RABEPK: variants seen among roughly 807,000 people sequenced by gnomAD.
RABEPK encodes the protein 40 kDa Rab9 effector protein.
A neutral mutation model predicts 34.1 loss-of-function variants in RABEPK; 27 were observed. The observed-to-expected ratio is 0.79, with a 90% confidence interval of 0.58 to 1.09. The LOEUF is 1.09. Among genes scored for constraint, RABEPK ranks in the 50% least tolerant of loss-of-function variants. The pLI is 0.00. For missense variants in RABEPK, 449 were observed against 462.6 expected, an observed-to-expected ratio of 0.97 and a Z score of 0.27; for synonymous variants, 172 against 169.2, an observed-to-expected ratio of 1.02 and a Z score of -0.13.
chr9:125,233,294 T>C (rs1012767564), intron 7 of RABEPK, among the ~76,000 whole-genome samples: 1 of 151,676 alleles, frequency 6.6e-6, no homozygotes, highest in Non-Finnish European at 1.5e-5. Flanking sequence ...CTTTTTAAAT[T>C]TTATTCAGAT....
intron 4 of RABEPK, among the ~76,000 whole-genome samples, chr9:125,216,983 GAAGA>G (rs1830973117): frequency 6.7e-6 from 1 of 149,668 alleles, no homozygotes. Context: ...AAAAAAAAAA[GAAGA>G]AAGTGATAGA....
Position 125,233,694 on chromosome 9 carries a change from A to C in RABEPK, c.833A>C (p.Gln278Pro). Residue 278 changes from glutamine (Q) to proline (P), a missense_variant, in exon 8 of 8, where the codon CAG becomes CCG. By Grantham distance (76) the Gln-to-Pro change is moderately conservative. Coordinates refer to ENST00000373538, the MANE Select transcript of RABEPK (RefSeq NM_005833.4). ...DTMYQYHTEE[Q>P]HWTLLKFDTL... ...TTTTCCCTCCCCAACATAGAAGAGC[A>C]GCATTGGACCTTGCTTAAATTTGAT... 1 of 1,611,562 alleles carries C rather than the reference A, an allele frequency of 6.2e-7. No individual in the cohort carries two copies. Among genetic ancestry groups the C allele is most frequent in the Non-Finnish European group, 8.5e-7 (1 of 1,178,056 alleles).
intron 2 of RABEPK, among the ~76,000 whole-genome samples, chr9:125,206,236 G>A (rs559108716): frequency 2.6e-5 from 4 of 152,194 alleles, no homozygotes; most frequent in Admixed American, 6.6e-5. Context: ...TGGGCTGGGC[G>A]TGGTGGGCGC....
At position 125,207,535 on chromosome 9, in the gene RABEPK, G is replaced by C. The variant is rs760100359; in HGVS notation, c.54-29G>C. The C allele has an allele frequency of 3.1e-6, 5 of 1,606,180 alleles. No individual in the cohort carries two copies. The African/African-American group carries it at 6.7e-5, about 21-fold the overall frequency. ...ACTACTGCATTTATTCTCTGCTCAG[G>C]CCTCCTGAATACATCCTTCCTTTGG... On this transcript the variant is annotated intron_variant, in intron 2 of 7. Transcript: ENST00000373538.
At chr9:125,201,087 A>G (rs904145049) in intron 1 of RABEPK, among the ~76,000 whole-genome samples, 181 bp downstream of exon 1, 1 of 152,232 alleles carries the variant, frequency 6.6e-6, no homozygotes, top group Non-Finnish European at 1.5e-5. Context: ...CCTTAAATAG[A>G]TAAACATTCC....
intron 3 of RABEPK, 69 bp downstream of exon 3, chr9:125,207,790 G>A: frequency 6.4e-7 from 1 of 1,563,762 alleles, no homozygotes; most frequent in Non-Finnish European, 8.7e-7. Flanking sequence ...CTAGCCATGA[G>A]CAGGGCATTC....
At chr9:125,215,262 G>A (rs1588362306) in intron 4 of RABEPK, among the ~76,000 whole-genome samples, 1 of 142,320 alleles carries the variant, frequency 7.0e-6, no homozygotes, top group Admixed American at 7.2e-5. Flanking sequence ...ACAATGCTTT[G>A]TTAATATAAT....
Position 125,213,423 on chromosome 9 carries a change from C to T in RABEPK, c.265C>T (p.His89Tyr). ...TCKGLLPRYE[H>Y]ASFIPSCTPD... ...CAAGGGCCTCTTGCCCCGGTATGAA[C>T]ATGCTAGCTTCATTCCCTCCTGCAC... Residue 89 changes from histidine to tyrosine, a missense_variant, in exon 4 of 8, where the codon CAT becomes TAT. Physicochemically the swap from His to Tyr is moderately conservative, Grantham distance 83. Transcript: ENST00000373538. 2 of 1,613,930 alleles carry T rather than the reference C, an allele frequency of 1.2e-6. No homozygotes were observed. Among genetic ancestry groups the T allele is most frequent in the Non-Finnish European group, 1.7e-6 (2 of 1,179,884 alleles).
chr9:125,218,805 A>C (rs1485293160), intron 4 of RABEPK, among the ~76,000 whole-genome samples: 1 of 152,044 alleles, frequency 6.6e-6, no homozygotes, highest in Non-Finnish European at 1.5e-5. Context: ...GACTCACTGC[A>C]ACCTCAACCG....
At chr9:125,232,193 C>T (rs1246202656) in intron 6 of RABEPK, among the ~76,000 whole-genome samples, 2 of 151,224 alleles carry the variant, frequency 1.3e-5, no homozygotes, top group Non-Finnish European at 2.9e-5. Flanking sequence ...GCCACCGTGC[C>T]CGGCCCAGGA....
At chr9:125,208,946 G>C (rs1269277478) in intron 3 of RABEPK, among the ~76,000 whole-genome samples, 4 of 151,878 alleles carry the variant, frequency 2.6e-5, no homozygotes. Context: ...CAGCCTCCCT[G>C]CTTCCAAGTT....
chr9:125,229,554 A>G (rs1832030676), intron 6 of RABEPK, among the ~76,000 whole-genome samples: 2 of 152,240 alleles, frequency 1.3e-5, no homozygotes, highest in Admixed American at 1.3e-4. Context: ...AAAAAATCAT[A>G]GCACTAAATA....
Position 125,220,423 on chromosome 9 carries a change from C to T in RABEPK, c.365-116C>T, listed in dbSNP as rs755629590. 2.7e-6 allele frequency: 4 copies of T among 1,493,258 alleles called. No individual in the cohort carries two copies. The East Asian group carries it at 9.4e-5, about 35-fold the overall frequency. 92.5% of individuals were successfully genotyped at this position (1,493,258 alleles called of 1,614,324 possible). ...GTGAGTATGAGATCCCTGCCCAAAACTATGCTGGCCCCCCTGGGGATTGGA... is the reference window on the plus strand; with the variant it reads ...GTGAGTATGAGATCCCTGCCCAAAATTATGCTGGCCCCCCTGGGGATTGGA... On this transcript the variant is annotated intron_variant, in intron 4 of 7. Transcript: ENST00000373538.
chr9:125,222,317 T>TGTGG (rs914204348), intron 5 of RABEPK: 2 of 152,058 alleles, frequency 1.3e-5, no homozygotes, highest in African/African-American at 4.8e-5. Context: ...AACATATGTA[T>TGTGG]GTGTATATGT....
chr9:125,210,721 AAG>A (rs1290847887), intron 3 of RABEPK, among the ~76,000 whole-genome samples: 3 of 151,508 alleles, frequency 2.0e-5, no homozygotes, highest in Non-Finnish European at 2.9e-5. Flanking sequence ...AAAAAAAAAA[AAG>A]AAAATAAAAG....
intron 3 of RABEPK, among the ~76,000 whole-genome samples, chr9:125,211,402 G>A (rs1008584722): frequency 1.3e-5 from 2 of 151,566 alleles, no homozygotes; most frequent in African/African-American, 4.8e-5. Flanking sequence ...CACCCACCTC[G>A]GCCTCCCCAA....
Position 125,220,617 on chromosome 9 carries a change from T to A in RABEPK, c.443T>A (p.Ile148Asn). The A allele has an allele frequency of 6.2e-7, 1 of 1,614,126 alleles. No homozygotes were observed. The highest frequency in any genetic ancestry group is 8.5e-7 in the Non-Finnish European group (1 of 1,180,022). The change falls in exon 5 of 8, where the codon ATT (isoleucine) becomes AAT (asparagine). Residue 148 changes from isoleucine to asparagine, a missense_variant. Transcript: ENST00000373538. ...PRTFHTSSAAIGNQLYVFGGG... is the reference protein window; with the variant it reads ...PRTFHTSSAANGNQLYVFGGG... ...ACATTCCACACATCATCGGCAGCCA[T>A]TGGAAACCAGCTATATGTCTTTGGG...
intron 4 of RABEPK, among the ~76,000 whole-genome samples, chr9:125,217,202 G>A (rs180890972): frequency 2.8e-4 from 43 of 152,128 alleles, no homozygotes; most frequent in African/African-American, 9.6e-4. Context: ...AATTTGTCAA[G>A]GATTTAAATA....
intron 4 of RABEPK, among the ~76,000 whole-genome samples, chr9:125,216,020 C>T (rs116322706): frequency 1.1e-3 from 162 of 152,238 alleles, no homozygotes; most frequent in African/African-American, 3.8e-3. Flanking sequence ...TGGGCCGGTG[C>T]GGTGGCTCAC....
Sources: allele counts gnomAD v4.1 joint callset (sites outside exome capture counted in the v4.1 genomes callset), GRCh38; gene constraint gnomAD v4.1.1; transcripts MANE v1.5; gene names NCBI Gene and HGNC (gene_info 2026-07-23, HGNC 2026-07-21).